Variants in CNBD1 observed in about 807,000 individuals in gnomAD.
The protein encoded by CNBD1 is cyclic nucleotide binding domain containing 1.
Under a neutral mutation model 54.4 loss-of-function variants are expected in CNBD1, and 71 were observed. That is an observed-to-expected ratio of 1.30 (90% CI 1.08 to 1.59). The LOEUF (loss-of-function observed/expected upper bound fraction) is 1.59, where lower values mean the gene tolerates loss of function less well. CNBD1 is among the 40% of genes most tolerant of loss of function. The pLI is 0.00. For synonymous variants in CNBD1, 182 were observed against 170.7 expected (o/e 1.07, Z -0.51); for missense variants, 659 against 518.0 (o/e 1.27, Z -2.64).
In CNBD1 at chr8:87,163,143, T is replaced by C. The variant is rs185637330; in HGVS notation, c.432-42850T>C. Among the ~76,000 whole-genome samples the C allele has an allele frequency of 2.2e-3, 338 of 152,168 alleles. No individual in the cohort carries two copies. Among genetic ancestry groups the C allele is most frequent in the Non-Finnish European group, 2.6e-3 (178 of 67,984 alleles). The stretch of plus-strand genomic sequence containing the variant: ...AAATGAACTAAGACAGATGTTTTCT[T>C]GATTAGAAAGATGAAAAAGTAGATT... On this transcript the variant is annotated intron_variant, in intron 4 of 10. Transcript: ENST00000518476. The surrounding 1 kb of genome is among the most constrained non-coding windows in gnomAD (Gnocchi z 4.5).
chr8:86,968,669 C>G (rs186336588), intron 4 of CNBD1, among the ~76,000 whole-genome samples: 2 of 152,294 alleles, frequency 1.3e-5, no homozygotes, highest in East Asian at 1.9e-4. Flanking sequence ...GATAAAAGGA[C>G]AGAATGGTTG....
At chr8:87,400,155 G>T (rs1456174021) in intron 2 of CNBD1, among the ~76,000 whole-genome samples, 3 of 151,896 alleles carry the variant, frequency 2.0e-5, no homozygotes, top group Non-Finnish European at 4.4e-5. Context: ...CATAGATTTT[G>T]TGAACTACCA....
At chr8:87,192,169 T>C (rs762141736) in intron 4 of CNBD1, among the ~76,000 whole-genome samples, 5 of 152,166 alleles carry the variant, frequency 3.3e-5, no homozygotes, top group African/African-American at 4.8e-5. Flanking sequence ...TGGAGTGACA[T>C]AGACAACTAA....
intron 8 of CNBD1, among the ~76,000 whole-genome samples, chr8:87,327,045 C>A (rs1285786308): frequency 6.7e-6 from 1 of 149,944 alleles, no homozygotes; most frequent in Non-Finnish European, 1.5e-5. Flanking sequence ...AGCTGCAGAT[C>A]TGTTGGAATA....
intron 4 of CNBD1, among the ~76,000 whole-genome samples, chr8:87,090,369 T>A (rs1472465533): frequency 6.6e-6 from 1 of 152,196 alleles, no homozygotes; most frequent in African/African-American, 2.4e-5. Flanking sequence ...ATAGATGACT[T>A]AATAGTACAG....
intron 8 of CNBD1, among the ~76,000 whole-genome samples, chr8:87,347,681 A>G (rs1364432126): frequency 6.6e-6 from 1 of 152,144 alleles, no homozygotes; most frequent in Admixed American, 6.5e-5. Context: ...TGTATGGTTT[A>G]ATTGGTTATT....
At chr8:87,216,345 T>G (rs1814210939) in intron 5 of CNBD1, among the ~76,000 whole-genome samples, 1 of 152,172 alleles carries the variant, frequency 6.6e-6, no homozygotes, top group Non-Finnish European at 1.5e-5. Flanking sequence ...AATGAAAAAT[T>G]AGCATATCAG....
chr8:87,237,374 CT>C, intron 6 of CNBD1: 1 of 275,230 alleles, frequency 3.6e-6, no homozygotes, highest in Non-Finnish European at 6.7e-6. Context: ...GGCTGGATCC[CT>C]GAAAGAAGGA....
At chr8:87,405,328 G>T (rs1015010503) in intron 2 of CNBD1, among the ~76,000 whole-genome samples, 1 of 151,974 alleles carries the variant, frequency 6.6e-6, no homozygotes, top group Admixed American at 6.6e-5. Context: ...GATTAGAAAT[G>T]ATGCATGTAA....
At position 87,199,558 on chromosome 8, in the gene CNBD1, C is replaced by T. The variant is rs559809461; in HGVS notation, c.432-6435C>T. Among the ~76,000 whole-genome samples, 40 of 152,244 alleles carry T rather than the reference C, an allele frequency of 2.6e-4. 1 individual carries two copies. Among genetic ancestry groups the T allele is most frequent in the South Asian group, 6.2e-4 (3 of 4,824 alleles). ...ATAAGAACACTTCACATAAAATCTG[C>T]CCTCTTAGCCAATGTTTAAAGTACA... On this transcript the variant is annotated intron_variant, in intron 4 of 10. Coordinates refer to ENST00000518476, the MANE Select transcript of CNBD1 (RefSeq NM_173538.3).
chr8:86,957,459 T>C (rs886258547), intron 4 of CNBD1, among the ~76,000 whole-genome samples: 5 of 152,194 alleles, frequency 3.3e-5, no homozygotes, highest in African/African-American at 1.2e-4. Flanking sequence ...CAGCTGGTCC[T>C]GGACTTTTTT....
At chr8:87,331,698 C>T (rs1193013583) in intron 8 of CNBD1, among the ~76,000 whole-genome samples, 1 of 152,142 alleles carries the variant, frequency 6.6e-6, no homozygotes, top group Admixed American at 6.5e-5. Flanking sequence ...AAGCATTTGT[C>T]TTTCTCCACA....
intron 8 of CNBD1, among the ~76,000 whole-genome samples, chr8:87,350,142 G>A (rs113273780): frequency 0.024 from 3,681 of 152,146 alleles, 153 homozygotes; most frequent in African/African-American, 0.081. Context: ...ATGTTTTGGT[G>A]GAAGAGTTCC....
chr8:87,275,986 A>T (rs1808472196), intron 6 of CNBD1, among the ~76,000 whole-genome samples: 1 of 151,980 alleles, frequency 6.6e-6, no homozygotes, highest in South Asian at 2.1e-4. Flanking sequence ...CAAAGAGAAT[A>T]AAAAACCTAG....
rs762344075 is a variant in CNBD1, at chr8:86,939,737, A to G, written c.414A>G (p.Leu138=). 4 of 1,565,934 alleles carry G rather than the reference A, an allele frequency of 2.6e-6. No homozygotes were observed. Among genetic ancestry groups the G allele is most frequent in the Non-Finnish European group, 3.5e-6 (4 of 1,153,040 alleles). Residue 138 remains leucine, a synonymous_variant, in exon 4 of 11, where the codon CTA becomes CTG. Transcript: ENST00000518476. The stretch of plus-strand genomic sequence containing the variant: ...CCACAGAGAAATTTGAAGAATTCCT[A>G]GCTATCTTAAAGAAATTGTAAGTAT... ...KRATEKFEEF[L]AILKKLPIHR...
chr8:87,281,036 A>G (rs1286890101), intron 6 of CNBD1, among the ~76,000 whole-genome samples: 1 of 151,606 alleles, frequency 6.6e-6, no homozygotes. Context: ...CTCATTTAAG[A>G]ACTGCTATAT....
intron 4 of CNBD1, among the ~76,000 whole-genome samples, chr8:87,173,777 T>A (rs967991951): frequency 6.6e-6 from 1 of 151,898 alleles, no homozygotes; most frequent in South Asian, 2.1e-4. Flanking sequence ...TATAACCTTC[T>A]TGTACATGGA....
In CNBD1 at chr8:86,948,690, T is replaced by C. The variant is rs145448297; in HGVS notation, c.431+8936T>C. 3.9e-3 allele frequency among the ~76,000 whole-genome samples: 587 copies of C among 152,292 alleles called. 4 individuals are homozygous for C. Among genetic ancestry groups the C allele is most frequent in the African/African-American group, 0.013 (547 of 41,564 alleles). ...TTGTCAGAGGGGTAGTTTGCAAATA[T>C]TTTCCCCCATTCTGTTGATTGTCTC... On this transcript the variant is annotated intron_variant, in intron 4 of 10. Coordinates refer to ENST00000518476, the MANE Select transcript of CNBD1 (RefSeq NM_173538.3).
chr8:87,257,183 A>G (rs962459773), intron 6 of CNBD1, among the ~76,000 whole-genome samples: 2 of 150,100 alleles, frequency 1.3e-5, no homozygotes, highest in Admixed American at 6.6e-5. Context: ...CAGCCTGGCC[A>G]ACATGGTGAA....
Sources: allele counts gnomAD v4.1 joint callset (sites outside exome capture counted in the v4.1 genomes callset), GRCh38; gene constraint gnomAD v4.1.1; non-coding constraint Gnocchi (gnomAD v3.1); transcripts MANE v1.5; gene names NCBI Gene and HGNC (gene_info 2026-07-23, HGNC 2026-07-21).